PLAC1: variants seen among roughly 807,000 people sequenced by gnomAD.
The protein encoded by PLAC1 is placenta associated 1.
For missense variants in PLAC1, 136 were observed against 163.2 expected (o/e 0.83, Z 0.91); for synonymous variants, 68 against 62.1 (o/e 1.09, Z -0.44).
chrX:134,605,654 G>C (rs2078119048), intron 1 of PLAC1: 1 of 112,356 alleles, frequency 8.9e-6, no homozygotes, highest in Non-Finnish European at 1.9e-5. Flanking sequence ...GGAGGTTGCT[G>C]TGAGGGTAGA....
At chrX:134,567,811 AGAGG>A (rs759627249) in intron 2 of PLAC1, among the ~76,000 whole-genome samples, 3,942 of 75,043 alleles carry the variant, frequency 0.053, 120 homozygotes, top group Non-Finnish European at 0.062. Flanking sequence ...AGAGAGAGAG[AGAGG>A]GAGGGAGGGA....
chrX:134,588,274 T>C (rs189372889), intron 2 of PLAC1, among the ~76,000 whole-genome samples: 310 of 94,902 alleles, frequency 3.3e-3, no homozygotes, highest in Non-Finnish European at 5.5e-3. Flanking sequence ...GCACCCTTTT[T>C]TTCTAGAACT....
intron 2 of PLAC1, among the ~76,000 whole-genome samples, chrX:134,589,269 A>G (rs1045895590): frequency 1.8e-5 from 2 of 111,143 alleles, no homozygotes; most frequent in Admixed American, 9.5e-5. Flanking sequence ...GGGGATGGAA[A>G]TCGTAATTTT....
At chrX:134,590,549 T>A (rs1427444583) in intron 2 of PLAC1, among the ~76,000 whole-genome samples, 1 of 112,321 alleles carries the variant, frequency 8.9e-6, no homozygotes, top group Non-Finnish European at 1.9e-5. Context: ...GCAAGTGTTA[T>A]AATAAAGAAT....
intron 1 of PLAC1, among the ~76,000 whole-genome samples, chrX:134,740,231 C>T (rs1257797978): frequency 1.8e-5 from 2 of 108,114 alleles, no homozygotes; most frequent in Middle Eastern, 4.7e-3. Flanking sequence ...GCAGGTGTAT[C>T]GCTTGAACCC....
At chrX:134,744,419 C>T (rs1250666773) in intron 1 of PLAC1, among the ~76,000 whole-genome samples, 1 of 111,838 alleles carries the variant, frequency 8.9e-6, no homozygotes, top group African/African-American at 3.3e-5. Context: ...TATCAGGTGA[C>T]CCCGCCACTT....
chrX:134,612,611 T>C (rs1016280260), intron 1 of PLAC1, among the ~76,000 whole-genome samples: 1 of 111,873 alleles, frequency 8.9e-6, no homozygotes, highest in Non-Finnish European at 1.9e-5. Context: ...AATATATCTA[T>C]ATAGAAACAT....
chrX:134,598,655 TG>T (rs1264314047), intron 2 of PLAC1, among the ~76,000 whole-genome samples: 6 of 101,989 alleles, frequency 5.9e-5, no homozygotes, highest in African/African-American at 2.2e-4. Context: ...CGAGAAGGGT[TG>T]TTTTTTTAAG....
chrX:134,570,760 AG>A (rs2077903968), intron 2 of PLAC1, among the ~76,000 whole-genome samples: 1 of 112,099 alleles, frequency 8.9e-6, no homozygotes, highest in Non-Finnish European at 1.9e-5. Context: ...TTGAAGCTAC[AG>A]AGTACAAGTA....
intron 2 of PLAC1, among the ~76,000 whole-genome samples, chrX:134,692,941 G>A: frequency 8.9e-6 from 1 of 112,004 alleles, no homozygotes; most frequent in East Asian, 2.8e-4. Context: ...AGATGCAGTA[G>A]GGGGAAGTGG....
At chrX:134,569,779 TGTGTGTGTTTG>T (rs2077896582) in intron 2 of PLAC1, among the ~76,000 whole-genome samples, 5 of 103,041 alleles carry the variant, frequency 4.9e-5, no homozygotes, top group Admixed American at 3.1e-4. Context: ...TGTGTGTGTG[TGTGTGTGTTTG>T]TGTGTGTGTG....
intron 1 of PLAC1, among the ~76,000 whole-genome samples, chrX:134,743,940 T>C (rs759423006): frequency 5.3e-5 from 6 of 112,239 alleles, no homozygotes; most frequent in Non-Finnish European, 9.4e-5. Flanking sequence ...TCTCAGCAAG[T>C]GTGTGGCATT....
chrX:134,588,299 TTTATTTATTTATTTA>T (rs1420894203), intron 2 of PLAC1, among the ~76,000 whole-genome samples: 8 of 16,915 alleles, frequency 4.7e-4, no homozygotes, highest in Non-Finnish European at 2.2e-3. Flanking sequence ...ATTTTATTTA[TTTATTTATTTATTTA>T]TTTATTTATT....
chrX:134,659,611 A>C (rs182161949), upstream of PLAC1, among the ~76,000 whole-genome samples: 2 of 112,241 alleles, frequency 1.8e-5, no homozygotes, highest in East Asian at 2.8e-4. Flanking sequence ...CCCAAAGTAC[A>C]TAAGACTCCA....
intron 2 of PLAC1, among the ~76,000 whole-genome samples, chrX:134,581,275 G>C (rs1367437151): frequency 4.5e-5 from 5 of 110,715 alleles, no homozygotes; most frequent in Middle Eastern, 4.6e-3. Context: ...GGCAGCCCTA[G>C]TTCCCTGGCA....
intron 1 of PLAC1, among the ~76,000 whole-genome samples, chrX:134,626,508 T>C (rs2078237638): frequency 8.9e-6 from 1 of 112,529 alleles, no homozygotes; most frequent in Non-Finnish European, 1.9e-5. Context: ...AATAAAAGCT[T>C]GCATTGGATT....
chrX:134,627,043 TA>T lies in PLAC1; in HGVS notation c.-130-24922del, dbSNP rs1309476773. Among the ~76,000 whole-genome samples the T allele has an allele frequency of 4.4e-3, 456 of 103,321 alleles. 1 individual carries two copies. The highest frequency in any genetic ancestry group is 7.6e-3 in the Non-Finnish European group (382 of 50,078). The allele number at this position is 103,321 out of a possible 115,157, so 89.7% of individuals were successfully genotyped here. ...GGTGACAGAGTGAGACCCTTTCCCT[TA>T]AAAAAAAAAATGACAGCCACAGCTA... On this transcript the variant is annotated intron_variant, in intron 1 of 2. Transcript: ENST00000359237.
At chrX:134,570,606 C>T (rs890385099) in intron 2 of PLAC1, among the ~76,000 whole-genome samples, 2 of 111,686 alleles carry the variant, frequency 1.8e-5, no homozygotes, top group Non-Finnish European at 3.8e-5. Flanking sequence ...AGCCTTGCAA[C>T]ATGCCCGAAG....
At chrX:134,694,955 A>G (rs1246745274) in intron 2 of PLAC1, among the ~76,000 whole-genome samples, 1 of 112,162 alleles carries the variant, frequency 8.9e-6, no homozygotes, top group Non-Finnish European at 1.9e-5. Flanking sequence ...ATACATCCTA[A>G]GGATGTTTTG....
Sources: allele counts gnomAD v4.1 joint callset (sites outside exome capture counted in the v4.1 genomes callset), GRCh38; gene constraint gnomAD v4.1.1; transcripts MANE v1.5; gene names NCBI Gene and HGNC (gene_info 2026-07-23, HGNC 2026-07-21).